The following LARP1 variants were observed in gnomAD, a reference collection of about 807,000 sequenced individuals.
The protein encoded by LARP1 is La ribonucleoprotein 1, translational regulator.
LARP1 carries 36 observed loss-of-function variants against 122.7 expected under a neutral mutation model. That is an observed-to-expected ratio of 0.29 (90% CI 0.22 to 0.39). The LOEUF (loss-of-function observed/expected upper bound fraction) is 0.39, where lower values mean the gene tolerates loss of function less well. LARP1 is among the 10% of genes least tolerant of loss of function. The pLI is 1.00. For missense variants in LARP1, 1,040 were observed against 1,403.6 expected (o/e 0.74, Z 4.14); for synonymous variants, 539 against 528.7 (o/e 1.02, Z -0.27).
Position 154,814,010 on chromosome 5 carries a change from C to T in LARP1, c.3205C>T (p.Pro1069Ser). Residue 1069 changes from proline (P) to serine (S), a missense_variant, in exon 19 of 19, where the codon CCC becomes TCC. Physicochemically the swap from Pro to Ser is moderately conservative, Grantham distance 74. This residue lies in a region of LARP1 where 129 missense variants were observed against 160.8 expected (regional missense o/e 0.80). Transcript: ENST00000518297. ...SSRPAAMISQ[P>S]PTPPTGQPVR... Reference sequence around the variant, plus strand: ...CAGGCCTGCTGCCATGATCAGCCAACCCCCTACACCACCCACCGGCCAGCC... The same window carrying T: ...CAGGCCTGCTGCCATGATCAGCCAATCCCCTACACCACCCACCGGCCAGCC... The T allele has an allele frequency of 6.2e-7, 1 of 1,614,070 alleles. No homozygotes were observed. The highest frequency in any genetic ancestry group is 8.5e-7 in the Non-Finnish European group (1 of 1,180,000).
intron 1 of LARP1, among the ~76,000 whole-genome samples, chr5:154,732,509 A>C (rs1756648863): frequency 6.6e-6 from 1 of 152,200 alleles, no homozygotes; most frequent in Non-Finnish European, 1.5e-5. Flanking sequence ...CCTTCATGGG[A>C]AAAATTGCTG....
intron 14 of LARP1, chr5:154,804,659 G>A (rs921025883): frequency 9.6e-6 from 4 of 417,774 alleles, no homozygotes; most frequent in Admixed American, 9.0e-5. Flanking sequence ...CTATGTCTTG[G>A]GAGGCTACTT....
intron 1 of LARP1, among the ~76,000 whole-genome samples, chr5:154,703,748 G>A (rs1754826820): frequency 6.6e-6 from 1 of 152,032 alleles, no homozygotes; most frequent in Non-Finnish European, 1.5e-5. Context: ...AGCCTCCGGA[G>A]TAGCTGGGAT....
chr5:154,770,496 C>G (rs1330511784), intron 1 of LARP1, among the ~76,000 whole-genome samples: 2 of 152,032 alleles, frequency 1.3e-5, no homozygotes, highest in Non-Finnish European at 2.9e-5. Flanking sequence ...CCCTCCCTGC[C>G]CATCCCTGGC....
chr5:154,715,023 C>CA (rs917609453), intron 1 of LARP1, among the ~76,000 whole-genome samples: 3 of 151,642 alleles, frequency 2.0e-5, no homozygotes, highest in Non-Finnish European at 4.4e-5. Flanking sequence ...ACTAAAAATA[C>CA]AAAAAAATTA....
chr5:154,693,810 C>G (rs1224712159), intron 1 of LARP1, among the ~76,000 whole-genome samples: 1 of 150,032 alleles, frequency 6.7e-6, no homozygotes, highest in Non-Finnish European at 1.5e-5. Context: ...GAGCCGAGAT[C>G]GCGCCACTGC....
At chr5:154,768,677 G>A (rs1301023868) in intron 1 of LARP1, among the ~76,000 whole-genome samples, 9 of 152,192 alleles carry the variant, frequency 5.9e-5, no homozygotes, top group Non-Finnish European at 2.9e-5. Flanking sequence ...CACCTCCTGG[G>A]TTCAAGTGAT....
At chr5:154,805,002 C>CAGAA in intron 14 of LARP1, 1 of 439,492 alleles carries the variant, frequency 2.3e-6, no homozygotes, top group Non-Finnish European at 4.6e-6. Context: ...TACTGTTAAC[C>CAGAA]AGAAGCCTTA....
At position 154,746,657 on chromosome 5, in the gene LARP1, C is replaced by T. The variant is rs375145352; in HGVS notation, c.205+33527C>T. On this transcript the variant is annotated intron_variant, in intron 1 of 18. Coordinates refer to the LARP1 transcript ENST00000336314. ...GCCAACCAAAGACAATCATGTCTAT[C>T]CTCTCTCCATGAAAGCCCTTTGGAA... 2.4e-4 allele frequency among the ~76,000 whole-genome samples: 36 copies of T among 152,276 alleles called. No individual in the cohort carries two copies. In the South Asian group the frequency reaches 7.5e-3, roughly 32 times the overall value.
chr5:154,745,466 A>G (rs773223556), intron 1 of LARP1, among the ~76,000 whole-genome samples: 2 of 152,176 alleles, frequency 1.3e-5, no homozygotes, highest in African/African-American at 2.4e-5. Context: ...GCACTGTTCT[A>G]AGTACTTTGG....
At chr5:154,710,099 A>T (rs1755142962), upstream of LARP1, among the ~76,000 whole-genome samples, 1 of 151,846 alleles carries the variant, frequency 6.6e-6, no homozygotes, top group Non-Finnish European at 1.5e-5. Flanking sequence ...AGTGATGGGG[A>T]GCCGCTGTAA....
rs575815906 is a variant in LARP1, at chr5:154,797,306, T to C, written c.1377+1987T>C. ...TGGAGTGCAGTGGCATGGTCTCAGC[T>C]CACTGCAACCTCCACCTCCCAGGTT... On this transcript the variant is annotated intron_variant, in intron 8 of 18. Coordinates refer to ENST00000518297, the MANE Select transcript of LARP1 (RefSeq NM_033551.3). Among the ~76,000 whole-genome samples the C allele has an allele frequency of 2.4e-3, 313 of 133,044 alleles. 4 individuals carry two copies. The highest frequency in any genetic ancestry group is 7.9e-3 in the African/African-American group (283 of 35,974). 87.3% of individuals were successfully genotyped at this position (133,044 alleles called of 152,430 possible).
At chr5:154,804,453 C>A in intron 14 of LARP1, 146 bp downstream of exon 14, 1 of 661,344 alleles carries the variant, frequency 1.5e-6, no homozygotes, top group Non-Finnish European at 2.6e-6. Context: ...GTGTGGAAAG[C>A]TCAGCCCAGG....
At chr5:154,689,729 T>C (rs961058920) in intron 1 of LARP1, among the ~76,000 whole-genome samples, 12 of 152,162 alleles carry the variant, frequency 7.9e-5, no homozygotes, top group Non-Finnish European at 1.3e-4. Flanking sequence ...CTTGCCTAAA[T>C]GGATAAAATT....
chr5:154,794,023 C>G (rs1049895044), intron 6 of LARP1, 23 bp downstream of exon 6: 3 of 1,607,966 alleles, frequency 1.9e-6, no homozygotes, highest in Admixed American at 3.3e-5. Context: ...CCTTTGGGCT[C>G]CGGGATGTCC....
intron 1 of LARP1, among the ~76,000 whole-genome samples, chr5:154,746,005 G>A (rs1397927172): frequency 2.6e-5 from 4 of 152,056 alleles, no homozygotes; most frequent in South Asian, 4.2e-4. Flanking sequence ...CATGTTGGCC[G>A]GCCAGGATAG....
intron 13 of LARP1, 146 bp from the exon 14 acceptor site, chr5:154,804,055 A>G (rs1442740097): frequency 1.5e-6 from 1 of 687,410 alleles, no homozygotes; most frequent in African/African-American, 1.8e-5. Context: ...TTCCTAGCTC[A>G]CCACTGTGAA....
upstream of LARP1, among the ~76,000 whole-genome samples, chr5:154,754,913 C>T (rs1753708012): frequency 6.6e-6 from 1 of 152,194 alleles, no homozygotes; most frequent in East Asian, 1.9e-4. Context: ...CTAATGGCTC[C>T]TTCCCCTGAA....
intron 3 of LARP1, among the ~76,000 whole-genome samples, chr5:154,791,355 A>G (rs927061081): frequency 6.6e-6 from 1 of 151,874 alleles, no homozygotes; most frequent in Non-Finnish European, 1.5e-5. Context: ...CTGGGATTAC[A>G]GGCACCCACC....
Sources: gnomAD v4.1 joint callset for allele counts (sites outside exome capture counted in the v4.1 genomes callset) on GRCh38, gnomAD v4.1.1 for gene constraint, gnomAD v4.1.1 regional missense constraint, MANE v1.5 for transcripts, NCBI Gene and HGNC (gene_info 2026-07-23, HGNC 2026-07-21) for gene names.